Variants in PDGFD observed in about 807,000 individuals in gnomAD.
PDGFD encodes platelet derived growth factor D, also known as platelet-derived growth factor D.
PDGFD carries 30 observed loss-of-function variants against 44.7 expected under a neutral mutation model. The observed-to-expected ratio is 0.67, with a 90% confidence interval of 0.50 to 0.91. The LOEUF (loss-of-function observed/expected upper bound fraction) is 0.91, where lower values mean the gene tolerates loss of function less well. Ranked by LOEUF, PDGFD falls within the 40% of genes least tolerant of loss-of-function variation. The probability of loss-of-function intolerance (pLI) is 0.00; values close to 1 mark genes in which losing one functional copy is unlikely to be tolerated. For missense variants in PDGFD, 445 were observed against 457.8 expected (o/e 0.97, Z 0.25); for synonymous variants, 173 against 168.4 (o/e 1.03, Z -0.21).
At chr11:104,159,069 C>T (rs545750634) in intron 1 of PDGFD, among the ~76,000 whole-genome samples, 1 of 146,316 alleles carries the variant, frequency 6.8e-6, no homozygotes, top group Admixed American at 7.1e-5. Context: ...AGGAGAATCG[C>T]TTGAACCTGG....
At chr11:104,091,927 C>T (rs1039746428) in intron 1 of PDGFD, among the ~76,000 whole-genome samples, 1 of 152,124 alleles carries the variant, frequency 6.6e-6, no homozygotes, top group Non-Finnish European at 1.5e-5. Flanking sequence ...GAGAAGCTGA[C>T]ATTATATAAA....
intron 1 of PDGFD, among the ~76,000 whole-genome samples, chr11:104,072,992 T>G (rs1267818116): frequency 6.6e-6 from 1 of 152,076 alleles, no homozygotes; most frequent in Non-Finnish European, 1.5e-5. Context: ...AGTTCCAACC[T>G]TCTTCTCAAA....
chr11:104,162,149 C>CAA lies in PDGFD; in HGVS notation c.124+1653_124+1654dup, dbSNP rs5794296. The stretch of plus-strand genomic sequence containing the variant: ...AAACTAAAATGAGATTATTCTCTTT[C>CAA]AAAAAAAAAAAAACCTGCTGAGCTA... On this transcript the variant is annotated intron_variant, in intron 1 of 6. Coordinates refer to ENST00000393158, the MANE Select transcript of PDGFD (RefSeq NM_025208.5). 1.9e-3 allele frequency among the ~76,000 whole-genome samples: 258 copies of CAA among 138,718 alleles called. 1 individual carries two copies. Among genetic ancestry groups the CAA allele is most frequent in the Middle Eastern group, 3.8e-3 (1 of 266 alleles). The allele number at this position is 138,718 out of a possible 152,430, so 91.0% of individuals were successfully genotyped here. A position where few individuals can be genotyped will look rare whatever the true frequency, so the allele number is the denominator to read the frequency against.
chr11:104,017,501 T>G (rs1337045700), intron 1 of PDGFD, among the ~76,000 whole-genome samples: 1 of 152,196 alleles, frequency 6.6e-6, no homozygotes, highest in Non-Finnish European at 1.5e-5. Flanking sequence ...AGTCTAACAC[T>G]CAACATATTC....
chr11:104,160,405 G>C (rs1025145930), intron 1 of PDGFD, among the ~76,000 whole-genome samples: 3 of 152,176 alleles, frequency 2.0e-5, no homozygotes, highest in Non-Finnish European at 4.4e-5. Context: ...TTTAAAATAA[G>C]TAAGTAATAT....
chr11:103,978,499 A>C (rs1023454156), intron 3 of PDGFD, among the ~76,000 whole-genome samples: 9 of 151,976 alleles, frequency 5.9e-5, no homozygotes, highest in Non-Finnish European at 4.4e-5. Flanking sequence ...GTTTATATTG[A>C]TATGCAAGTG....
intron 3 of PDGFD, among the ~76,000 whole-genome samples, chr11:103,964,327 A>G (rs946030193): frequency 6.6e-6 from 1 of 152,174 alleles, no homozygotes; most frequent in African/African-American, 2.4e-5. Context: ...AACATGAATG[A>G]GAAACAGACC....
chr11:104,033,458 T>C (rs1005977387), intron 1 of PDGFD, among the ~76,000 whole-genome samples: 1 of 151,936 alleles, frequency 6.6e-6, no homozygotes, highest in Non-Finnish European at 1.5e-5. Context: ...GAAAAACAAA[T>C]AAATGTAAAG....
chr11:104,013,305 C>CAAG (rs1565310531), intron 1 of PDGFD, among the ~76,000 whole-genome samples: 1 of 152,146 alleles, frequency 6.6e-6, no homozygotes, highest in African/African-American at 2.4e-5. Flanking sequence ...GCATACCAGA[C>CAAG]AAGAACCCAG....
intron 1 of PDGFD, among the ~76,000 whole-genome samples, chr11:104,064,424 T>C (rs1170613234): frequency 6.6e-6 from 1 of 152,190 alleles, no homozygotes; most frequent in Non-Finnish European, 1.5e-5. Context: ...ATCCTTTCCG[T>C]GAGGCAGGCA....
intron 1 of PDGFD, among the ~76,000 whole-genome samples, chr11:104,025,024 T>G (rs1373182337): frequency 6.6e-6 from 1 of 152,238 alleles, no homozygotes; most frequent in Non-Finnish European, 1.5e-5. Flanking sequence ...ATTGAGATCC[T>G]TCTCTTAAAT....
chr11:104,157,376 A>C (rs963606454), intron 1 of PDGFD, among the ~76,000 whole-genome samples: 1 of 152,164 alleles, frequency 6.6e-6, no homozygotes, highest in Admixed American at 6.5e-5. Flanking sequence ...GGAACACTCC[A>C]CCCAGCAGTC....
chr11:104,119,022 A>T lies in PDGFD; in HGVS notation c.124+44782T>A, dbSNP rs1420568607. Among the ~76,000 whole-genome samples, 30 of 9,172 alleles carry T rather than the reference A, an allele frequency of 3.3e-3. 15 individuals are homozygous for T. Among genetic ancestry groups the T allele is most frequent in the South Asian group, 0.019 (4 of 206 alleles). 6.0% of individuals were successfully genotyped at this position (9,172 alleles called of 152,430 possible). A position where few individuals can be genotyped will look rare whatever the true frequency, so the allele number is the denominator to read the frequency against. Reference sequence around the variant, plus strand: ...AATAAAATAATATAATATATTATATAATATATCGATATAATATATAATATA... The same window carrying T: ...AATAAAATAATATAATATATTATATTATATATCGATATAATATATAATATA... On this transcript the variant is annotated intron_variant, in intron 1 of 6. Coordinates refer to ENST00000393158, the MANE Select transcript of PDGFD (RefSeq NM_025208.5).
chr11:103,910,004 C>T (rs1858002753), intron 6 of PDGFD, among the ~76,000 whole-genome samples, 185 bp from the exon 7 acceptor site: 1 of 152,022 alleles, frequency 6.6e-6, no homozygotes, highest in South Asian at 2.1e-4. Context: ...TAATTGACTC[C>T]CTGAAGTGGA....
At chr11:104,096,243 A>AT (rs1861285411) in intron 1 of PDGFD, among the ~76,000 whole-genome samples, 1 of 151,502 alleles carries the variant, frequency 6.6e-6, no homozygotes, top group Admixed American at 6.6e-5. Context: ...TTTTCCTGCA[A>AT]AAAAAAACTA....
At chr11:104,089,619 C>T (rs796820380) in intron 1 of PDGFD, among the ~76,000 whole-genome samples, 1 of 152,176 alleles carries the variant, frequency 6.6e-6, no homozygotes, top group African/African-American at 2.4e-5. Context: ...CTTGATCAGC[C>T]CTCATGGAAA....
At chr11:104,089,288 G>A (rs1369864296) in intron 1 of PDGFD, among the ~76,000 whole-genome samples, 2 of 152,134 alleles carry the variant, frequency 1.3e-5, no homozygotes, top group Non-Finnish European at 1.5e-5. Flanking sequence ...GGAAAAAGAA[G>A]AATCTAGAGT....
At chr11:103,990,419 C>T (rs1343944250) in intron 3 of PDGFD, among the ~76,000 whole-genome samples, 1 of 152,216 alleles carries the variant, frequency 6.6e-6, no homozygotes, top group Non-Finnish European at 1.5e-5. Flanking sequence ...ATACTAGTCA[C>T]TCTCCAACAC....
At chr11:104,005,887 G>A (rs985664820) in intron 1 of PDGFD, among the ~76,000 whole-genome samples, 1 of 152,112 alleles carries the variant, frequency 6.6e-6, no homozygotes, top group Non-Finnish European at 1.5e-5. Context: ...TAATTTTTAT[G>A]TATGTTTATA....
Sources: allele counts gnomAD v4.1 joint callset (sites outside exome capture counted in the v4.1 genomes callset), GRCh38; gene constraint gnomAD v4.1.1; transcripts MANE v1.5; gene names NCBI Gene and HGNC (gene_info 2026-07-23, HGNC 2026-07-21).